The following VPS50 variants were observed in gnomAD, a reference collection of about 807,000 sequenced individuals.
The protein encoded by VPS50 is VPS50 subunit of EARP/GARPII complex.
A neutral mutation model predicts 139.7 loss-of-function variants in VPS50; 70 were observed. That is an observed-to-expected ratio of 0.50 (90% CI 0.41 to 0.61). VPS50 has a LOEUF of 0.61. Ranked by LOEUF, VPS50 falls within the 20% of genes least tolerant of loss-of-function variation. The pLI is 0.00. For synonymous variants in VPS50, 365 were observed against 376.7 expected, an observed-to-expected ratio of 0.97 and a Z score of 0.36; for missense variants, 921 against 1,133.7, an observed-to-expected ratio of 0.81 and a Z score of 2.69.
intron 22 of VPS50, among the ~76,000 whole-genome samples, chr7:93,341,126 C>T (rs1425438103): frequency 6.6e-6 from 1 of 152,190 alleles, no homozygotes; most frequent in Non-Finnish European, 1.5e-5. Context: ...AGGGCCATCT[C>T]ACTGTTGTCA....
At chr7:93,341,688 CA>C in intron 23 of VPS50, 113 bp downstream of exon 23, 1 of 606,408 alleles carries the variant, frequency 1.6e-6, no homozygotes, top group Non-Finnish European at 2.8e-6. Flanking sequence ...TTCTAAATAT[CA>C]CTTATATGTT....
intron 23 of VPS50, among the ~76,000 whole-genome samples, chr7:93,348,100 A>G (rs1364204705): frequency 2.0e-5 from 3 of 152,308 alleles, no homozygotes; most frequent in Admixed American, 6.5e-5. Flanking sequence ...CCAATATAAC[A>G]TAAGAGTTTT....
At position 93,344,689 on chromosome 7, in the gene VPS50, G is replaced by A. The variant is rs1425952981; in HGVS notation, c.2207+3114G>A. Among the ~76,000 whole-genome samples, 8 of 151,722 alleles carry A rather than the reference G, an allele frequency of 5.3e-5. 1 individual carries two copies. The highest frequency in any genetic ancestry group is 1.9e-4 in the East Asian group (1 of 5,188). On this transcript the variant is annotated intron_variant, in intron 23 of 27. Transcript: ENST00000305866. ...AGGATTAAGAATCTCACTCAAAACCGCTCAACTACATGGAAACTGAACCTG... is the reference window on the plus strand; with the variant it reads ...AGGATTAAGAATCTCACTCAAAACCACTCAACTACATGGAAACTGAACCTG...
At chr7:93,295,003 G>C (rs937314428) in intron 14 of VPS50, among the ~76,000 whole-genome samples, 1 of 151,978 alleles carries the variant, frequency 6.6e-6, no homozygotes, top group African/African-American at 2.4e-5. Flanking sequence ...TTTTAGAAAA[G>C]GAGTAACTAA....
chr7:93,250,131 G>A (rs1795278396), intron 2 of VPS50, among the ~76,000 whole-genome samples: 1 of 151,750 alleles, frequency 6.6e-6, no homozygotes, highest in Non-Finnish European at 1.5e-5. Context: ...TCTTTTCCAA[G>A]CATATTTGAT....
intron 7 of VPS50, 25 bp downstream of exon 7, chr7:93,258,301 T>A (rs28461604): frequency 6.3e-7 from 1 of 1,594,408 alleles, no homozygotes; most frequent in Admixed American, 1.7e-5. Context: ...TTTAAAAAAA[T>A]TAAAACTGAA....
intron 25 of VPS50, among the ~76,000 whole-genome samples, chr7:93,351,205 G>C (rs1230346800): frequency 6.6e-6 from 1 of 152,070 alleles, no homozygotes; most frequent in African/African-American, 2.4e-5. Flanking sequence ...ATGACACCAA[G>C]GGTGCTCTAT....
chr7:93,262,187 G>T (rs922760309), intron 9 of VPS50, among the ~76,000 whole-genome samples: 1 of 152,192 alleles, frequency 6.6e-6, no homozygotes, highest in African/African-American at 2.4e-5. Flanking sequence ...AAGAATGAGC[G>T]TGGAATTTGG....
At chr7:93,275,061 A>G (rs1202065615) in intron 11 of VPS50, among the ~76,000 whole-genome samples, 1 of 152,198 alleles carries the variant, frequency 6.6e-6, no homozygotes, top group Non-Finnish European at 1.5e-5. Context: ...TTAGAAGTGG[A>G]GCCTGAAGAT....
intron 23 of VPS50, among the ~76,000 whole-genome samples, chr7:93,342,248 C>G (rs1007700475): frequency 1.3e-5 from 2 of 152,240 alleles, no homozygotes. Context: ...TCACTCCCAC[C>G]CGAATACTGT....
At chr7:93,310,451 G>T (rs2116987119) in intron 19 of VPS50, among the ~76,000 whole-genome samples, 1 of 151,410 alleles carries the variant, frequency 6.6e-6, no homozygotes, top group Middle Eastern at 3.4e-3. Flanking sequence ...ACAACTCTTA[G>T]ATCTAAATTT....
intron 2 of VPS50, among the ~76,000 whole-genome samples, chr7:93,248,892 A>G (rs566796808): frequency 6.6e-6 from 1 of 152,286 alleles, no homozygotes; most frequent in African/African-American, 2.4e-5. Flanking sequence ...GTTCAGATGT[A>G]TATTTTCACA....
chr7:93,310,625 G>A (rs1797240122), intron 19 of VPS50, among the ~76,000 whole-genome samples: 1 of 151,788 alleles, frequency 6.6e-6, no homozygotes, highest in African/African-American at 2.4e-5. Flanking sequence ...TTTTCCCTCT[G>A]TTCACTTCTT....
chr7:93,325,440 G>A lies in VPS50; in HGVS notation c.1977+1708G>A, dbSNP rs866580730. 1.5e-4 allele frequency among the ~76,000 whole-genome samples: 22 copies of A among 151,052 alleles called. No homozygotes were observed. The South Asian group carries it at 1.9e-3, about 13-fold the overall frequency. On this transcript the variant is annotated intron_variant, in intron 21 of 27. Coordinates refer to ENST00000305866, the MANE Select transcript of VPS50 (RefSeq NM_017667.4). ...AAAAGCAATGGCAACAAAAGCCAAA[G>A]TTGACAAATGGGATCTAATTAAACT...
chr7:93,299,996 A>C (rs1584443624), intron 16 of VPS50, among the ~76,000 whole-genome samples: 1 of 152,168 alleles, frequency 6.6e-6, no homozygotes, highest in Non-Finnish European at 1.5e-5. Context: ...AAAGCTTATA[A>C]AATGTTTTCA....
At chr7:93,349,490 G>C (rs1047971571) in intron 24 of VPS50, among the ~76,000 whole-genome samples, 5 of 152,170 alleles carry the variant, frequency 3.3e-5, no homozygotes, top group Non-Finnish European at 2.9e-5. Flanking sequence ...ACTGTAGACA[G>C]TCCTAGAGAC....
rs573222123 is a variant in VPS50 at position 93,343,206 on chromosome 7, T to A, written c.2207+1631T>A. The stretch of plus-strand genomic sequence containing the variant: ...AGAATGCAGAAGCCTCAGGAGCCGA[T>A]GCGATCAACTGGAAGAAAGGGTATC... On this transcript the variant is annotated intron_variant, in intron 23 of 27. Transcript: ENST00000305866. Among the ~76,000 whole-genome samples the A allele has an allele frequency of 3.1e-3, 474 of 152,206 alleles. 1 individual carries two copies. Among genetic ancestry groups the A allele is most frequent in the African/African-American group, 0.011 (453 of 41,524 alleles).
chr7:93,247,994 G>T (rs1469759068), intron 2 of VPS50, among the ~76,000 whole-genome samples: 1 of 151,984 alleles, frequency 6.6e-6, no homozygotes, highest in Non-Finnish European at 1.5e-5. Flanking sequence ...TTGACAGCAA[G>T]TTGTGTGGCA....
intron 21 of VPS50, 160 bp from the exon 22 acceptor site, chr7:93,333,957 A>T: frequency 1.7e-6 from 1 of 585,356 alleles, no homozygotes; most frequent in Non-Finnish European, 3.0e-6. Context: ...TTGAGATTTG[A>T]CTCCTTTGTT....
Sources: gnomAD v4.1 joint callset for allele counts (sites outside exome capture counted in the v4.1 genomes callset) on GRCh38, gnomAD v4.1.1 for gene constraint, MANE v1.5 for transcripts, NCBI Gene and HGNC (gene_info 2026-07-23, HGNC 2026-07-21) for gene names.